SLC9A6: variants seen among roughly 807,000 people sequenced by gnomAD.
SLC9A6 encodes the protein sodium/hydrogen exchanger 6.
In SLC9A6, 6 loss-of-function variants were observed where a neutral mutation model predicts 45.3. That is an observed-to-expected ratio of 0.13 (90% CI 0.07 to 0.26). SLC9A6 has a LOEUF of 0.26. Among genes scored for constraint, SLC9A6 ranks in the 10% least tolerant of loss-of-function variants. The pLI, the probability that SLC9A6 is intolerant of heterozygous loss-of-function variation, is 1.00. For synonymous variants in SLC9A6, 191 were observed against 187.7 expected, an observed-to-expected ratio of 1.02 and a Z score of -0.14; for missense variants, 278 against 503.7, an observed-to-expected ratio of 0.55 and a Z score of 4.29.
upstream of SLC9A6, among the ~76,000 whole-genome samples, chrX:135,980,181 T>G: frequency 9.4e-6 from 1 of 106,088 alleles, no homozygotes. Context: ...CAATATGACT[T>G]CAACCTAGTT....
chrX:136,002,686 C>T lies in SLC9A6; in HGVS notation c.743+473C>T, dbSNP rs984882866. The stretch of plus-strand genomic sequence containing the variant: ...AAGTGATTCTCCTGCCTCAGCCTCC[C>T]GAGTAGCTGGGATTATAGGCACCCG... On this transcript the variant is annotated intron_variant, in intron 7 of 17. Coordinates refer to ENST00000630721, the MANE Select transcript of SLC9A6 (RefSeq NM_001379110.1). Among the ~76,000 whole-genome samples, 17 of 107,930 alleles carry T rather than the reference C, an allele frequency of 1.6e-4. No homozygotes were observed. The East Asian group carries it at 4.1e-3, about 26-fold the overall frequency. 93.7% of individuals were successfully genotyped at this position (107,930 alleles called of 115,157 possible).
At chrX:136,006,810 A>G (rs1170677321) in intron 7 of SLC9A6, among the ~76,000 whole-genome samples, 1 of 111,366 alleles carries the variant, frequency 9.0e-6, no homozygotes, top group Non-Finnish European at 1.9e-5. Flanking sequence ...TAACTTCACT[A>G]ATTACCAGAG....
At chrX:136,028,384 C>T (rs2071264136) in intron 13 of SLC9A6, among the ~76,000 whole-genome samples, 1 of 111,640 alleles carries the variant, frequency 9.0e-6, no homozygotes, top group Non-Finnish European at 1.9e-5. Context: ...GGGATTATGC[C>T]CTAGTTGTGT....
intron 16 of SLC9A6, among the ~76,000 whole-genome samples, chrX:136,038,912 C>T (rs1320377965): frequency 9.1e-6 from 1 of 110,257 alleles, no homozygotes; most frequent in African/African-American, 3.3e-5. Context: ...TTCATCATTC[C>T]AGTTTTTTAG....
chrX:136,006,946 T>C (rs1556618076), intron 7 of SLC9A6, among the ~76,000 whole-genome samples: 2 of 110,413 alleles, frequency 1.8e-5, no homozygotes, highest in Admixed American at 1.9e-4. Flanking sequence ...GGCTCACTGC[T>C]ACCTCCGCCT....
At chrX:136,018,097 A>G (rs2071055467) in intron 11 of SLC9A6, among the ~76,000 whole-genome samples, 1 of 112,139 alleles carries the variant, frequency 8.9e-6, no homozygotes, top group East Asian at 2.8e-4. Context: ...CACTTCCATA[A>G]TATTCTGTTG....
chrX:135,999,478 G>A (rs1556617099), intron 6 of SLC9A6, among the ~76,000 whole-genome samples: 1 of 111,798 alleles, frequency 8.9e-6, no homozygotes, highest in East Asian at 2.8e-4. Context: ...AGTCATTGGA[G>A]GACTTTAATA....
chrX:136,013,412 C>T lies in SLC9A6; in HGVS notation c.1055C>T (p.Thr352Met), dbSNP rs782819852. 12 of 1,199,097 alleles carry T rather than the reference C, an allele frequency of 1.0e-5. No homozygotes were observed. The highest frequency in any genetic ancestry group is 7.0e-5 in the African/African-American group (4 of 56,788). ...QAHYTYNNLS[T>M]ESQHRTKQLF... ...CATTATACGTATAATAATTTGTCCA[C>T]GGAGTCTCAGCATAGAACTAAACAG... Residue 352 changes from threonine (T) to methionine (M), a missense_variant, in exon 10 of 18, where the codon ACG becomes ATG. Physicochemically the swap from Thr to Met is moderately conservative, Grantham distance 81. This residue lies in a region of SLC9A6 where 41 missense variants were observed against 51.8 expected (regional missense o/e 0.79). Coordinates refer to ENST00000630721, the MANE Select transcript of SLC9A6 (RefSeq NM_001379110.1).
upstream of SLC9A6, chrX:135,974,045 GA>G (rs1556612993): frequency 1.4e-5 from 5 of 364,865 alleles, no homozygotes; most frequent in Middle Eastern, 5.9e-4. Context: ...GGGGCAGAGG[GA>G]CGGGGGCCTG....
chrX:136,018,572 A>C (rs954153384), intron 11 of SLC9A6, among the ~76,000 whole-genome samples: 2 of 111,685 alleles, frequency 1.8e-5, no homozygotes, highest in African/African-American at 6.5e-5. Context: ...ATAAGAAGGG[A>C]AGTGAGGAAA....
At chrX:135,973,943 G>T, upstream of SLC9A6, 2 of 1,121,957 alleles carry the variant, frequency 1.8e-6, no homozygotes, top group South Asian at 2.0e-5. Flanking sequence ...GCCCAACGGA[G>T]TCATAAACGA....
At chrX:135,987,559 A>ATT (rs1218945231) in intron 2 of SLC9A6, among the ~76,000 whole-genome samples, 1 of 105,125 alleles carries the variant, frequency 9.5e-6, no homozygotes. Context: ...GAGGTCAGCA[A>ATT]TTTTTTTTTT....
intron 11 of SLC9A6, among the ~76,000 whole-genome samples, chrX:136,020,897 C>T (rs1344133989): frequency 9.3e-6 from 1 of 107,691 alleles, no homozygotes; most frequent in Admixed American, 1.0e-4. Flanking sequence ...CTCCCTGGAA[C>T]TATAAGATGC....
intron 2 of SLC9A6, among the ~76,000 whole-genome samples, chrX:135,988,697 T>A (rs2089384170): frequency 9.1e-6 from 1 of 109,342 alleles, no homozygotes; most frequent in South Asian, 3.9e-4. Flanking sequence ...CTCCTGGGCT[T>A]AAGTGATCCT....
intron 7 of SLC9A6, among the ~76,000 whole-genome samples, chrX:136,008,818 G>A (rs931314211): frequency 9.8e-5 from 11 of 112,035 alleles, no homozygotes; most frequent in African/African-American, 2.9e-4. Context: ...CAGAAAAGAT[G>A]AGTTAAGATT....
rs141403059 is a variant in SLC9A6 at position 136,045,673 on chromosome X, G to C, written c.*949G>C. 1.8e-5 allele frequency: 2 copies of C among 112,364 alleles called. No homozygotes were observed. The highest frequency in any genetic ancestry group is 1.9e-4 in the Admixed American group (2 of 10,563). 9.3% of individuals were successfully genotyped at this position (112,364 alleles called of 1,213,427 possible). A position where few individuals can be genotyped will look rare whatever the true frequency, so the allele number is the denominator to read the frequency against. ...CTTTGTCGTCAGAAGTTTTTATATC[G>C]ATTTAAATTGCTGCTCTTTAGCAGC... On this transcript the variant is annotated 3_prime_UTR_variant, in exon 18 of 18. Coordinates refer to ENST00000630721, the MANE Select transcript of SLC9A6 (RefSeq NM_001379110.1).
intron 17 of SLC9A6, among the ~76,000 whole-genome samples, chrX:136,041,985 C>T (rs1556622711): frequency 9.1e-6 from 1 of 110,438 alleles, no homozygotes. Context: ...GTGTGCATGC[C>T]TACTTCCGTG....
At chrX:135,975,429 T>C (rs2089255968) in intron 1 of SLC9A6, 1 of 112,400 alleles carries the variant, frequency 8.9e-6, no homozygotes, top group African/African-American at 3.2e-5. Flanking sequence ...AAAATTCCTA[T>C]TCCTGATCCC....
At position 136,046,448 on chromosome X, in the gene SLC9A6, AAT is replaced by A. The variant is rs2071600459; in HGVS notation, c.*1726_*1727del. 1 of 112,754 alleles carries A rather than the reference AAT, an allele frequency of 8.9e-6. No homozygotes were observed. 9.3% of individuals were successfully genotyped at this position (112,754 alleles called of 1,213,427 possible). A position where few individuals can be genotyped will look rare whatever the true frequency, so the allele number is the denominator to read the frequency against. ...ATGATGTGTGCCTCTTCACGCAGTAAATAGTTTCTTGTTAATGTATGTTTGAG... is the reference window on the plus strand; with the variant it reads ...ATGATGTGTGCCTCTTCACGCAGTAAAGTTTCTTGTTAATGTATGTTTGAG... On this transcript the variant is annotated 3_prime_UTR_variant, in exon 18 of 18. Coordinates refer to ENST00000630721, the MANE Select transcript of SLC9A6 (RefSeq NM_001379110.1).
Sources: allele counts gnomAD v4.1 joint callset (sites outside exome capture counted in the v4.1 genomes callset), GRCh38; gene constraint gnomAD v4.1.1; regional missense constraint gnomAD v4.1.1; transcripts MANE v1.5; gene names NCBI Gene and HGNC (gene_info 2026-07-23, HGNC 2026-07-21).